The following ADGRL2 variants were observed in gnomAD, a reference collection of about 807,000 sequenced individuals.
The protein encoded by ADGRL2 is adhesion G protein-coupled receptor L2, also known as calcium-independent alpha-latrotoxin receptor 2.
In ADGRL2, 44 loss-of-function variants were observed where a neutral mutation model predicts 157.4. The observed-to-expected ratio is 0.28, with a 90% CI of 0.22 to 0.36. The LOEUF is 0.36. Among genes scored for constraint, ADGRL2 ranks in the 10% least tolerant of loss-of-function variants. ADGRL2 has a pLI of 1.00. For synonymous variants in ADGRL2, 585 were observed against 624.7 expected, an observed-to-expected ratio of 0.94 and a Z score of 0.95; for missense variants, 1,510 against 1,768.9, an observed-to-expected ratio of 0.85 and a Z score of 2.63.
chr1:81,427,509 C>A (rs1390167215), intron 1 of ADGRL2: 1 of 750,912 alleles, frequency 1.3e-6, no homozygotes, highest in African/African-American at 1.7e-5. Flanking sequence ...AATCAAATTA[C>A]GAACCCATGT....
At chr1:81,892,552 T>C (rs895683757) in intron 2 of ADGRL2, among the ~76,000 whole-genome samples, 6 of 152,168 alleles carry the variant, frequency 3.9e-5, no homozygotes, top group African/African-American at 1.2e-4. Flanking sequence ...AAAACATTCA[T>C]TGACAAGAGG....
chr1:81,316,574 C>T (rs906186559), intron 1 of ADGRL2, among the ~76,000 whole-genome samples: 4 of 152,022 alleles, frequency 2.6e-5, no homozygotes, highest in African/African-American at 9.7e-5. Context: ...ACAGATGTTC[C>T]CCCTTTAAGG....
chr1:81,620,983 T>C (rs766002305), intron 3 of ADGRL2, among the ~76,000 whole-genome samples: 1 of 152,164 alleles, frequency 6.6e-6, no homozygotes, highest in Non-Finnish European at 1.5e-5. Context: ...AATGCCAAGG[T>C]TGTACTCCAG....
At chr1:81,565,242 A>G (rs1469200991) in intron 2 of ADGRL2, among the ~76,000 whole-genome samples, 1 of 152,196 alleles carries the variant, frequency 6.6e-6, no homozygotes, top group Non-Finnish European at 1.5e-5. Context: ...AAGATGACGT[A>G]TGTGACAGGA....
chr1:81,469,299 A>G (rs1294689182), intron 2 of ADGRL2, among the ~76,000 whole-genome samples: 2 of 152,132 alleles, frequency 1.3e-5, no homozygotes, highest in Non-Finnish European at 2.9e-5. Context: ...GTCCTCTCCT[A>G]TACATGGTTT....
chr1:81,802,452 G>T (rs564661010), intron 1 of ADGRL2, among the ~76,000 whole-genome samples: 2 of 152,202 alleles, frequency 1.3e-5, no homozygotes, highest in South Asian at 4.1e-4. Context: ...AGAACTCTCA[G>T]TCCGGTCCAG....
intron 1 of ADGRL2, among the ~76,000 whole-genome samples, chr1:81,386,879 T>C (rs895406991): frequency 1.3e-5 from 2 of 152,142 alleles, no homozygotes; most frequent in African/African-American, 4.8e-5. Context: ...TCAAAAGTAT[T>C]TCTCTCTCCT....
Position 81,512,620 on chromosome 1 carries a change from G to C in ADGRL2, c.-248+67531G>C, listed in dbSNP as rs547266456. Among the ~76,000 whole-genome samples, 2 of 152,240 alleles carry C rather than the reference G, an allele frequency of 1.3e-5. 1 individual carries two copies. The highest frequency in any genetic ancestry group is 4.1e-4 in the South Asian group (2 of 4,826). ...CTATTAAACAGGAAGTGACACCAAT[G>C]TGACTTTATTTTTCTAAGCAAAATG... On this transcript the variant is annotated intron_variant, in intron 2 of 24. Coordinates refer to the ADGRL2 transcript ENST00000370721.
At chr1:81,946,257 A>G (rs1649793782) in intron 6 of ADGRL2, among the ~76,000 whole-genome samples, 1 of 151,076 alleles carries the variant, frequency 6.6e-6, no homozygotes, top group Non-Finnish European at 1.5e-5. Context: ...TTAATAATAT[A>G]TTAGCCTCAA....
At chr1:81,919,205 A>G (rs889005581) in intron 3 of ADGRL2, among the ~76,000 whole-genome samples, 1 of 152,282 alleles carries the variant, frequency 6.6e-6, no homozygotes, top group South Asian at 2.1e-4. Context: ...TTTTTAAAGG[A>G]CATTATTTAA....
At chr1:81,551,072 T>C (rs17421240) in intron 2 of ADGRL2, among the ~76,000 whole-genome samples, 18,748 of 152,146 alleles carry the variant, frequency 0.12, 1,168 homozygotes, top group South Asian at 0.14. Context: ...TCATTTTCTA[T>C]GCAATGAGGA....
chr1:81,990,497 C>T lies in ADGRL2; in HGVS notation c.3762C>T (p.Ser1254=), dbSNP rs778659451. The change falls in exon 24 of 24, where the codon AGC becomes AGT. Residue 1254 remains serine, a synonymous_variant. Coordinates refer to ENST00000686636, the MANE Select transcript of ADGRL2 (RefSeq NM_001366006.2). ...YSLHKGDYND[S]VQVVDCGLSL... ...TGCACAAGGGTGACTATAATGACAG[C>T]GTGCAAGTTGTGGACTGTGGACTAA... 12 of 1,613,956 alleles carry T rather than the reference C, an allele frequency of 7.4e-6. No individual in the cohort carries two copies. The East Asian group carries it at 1.1e-4, about 15-fold the overall frequency.
At chr1:81,953,102 C>A in intron 10 of ADGRL2, 77 bp downstream of exon 10, 1 of 1,229,960 alleles carries the variant, frequency 8.1e-7, no homozygotes, top group Non-Finnish European at 1.2e-6. Context: ...GCTGCATGAT[C>A]CAATGTATTT....
chr1:81,473,475 G>A (rs1344985105), intron 2 of ADGRL2, among the ~76,000 whole-genome samples: 1 of 152,136 alleles, frequency 6.6e-6, no homozygotes, highest in African/African-American at 2.4e-5. Context: ...TAATAAAATT[G>A]TAGATTAATC....
chr1:81,809,177 G>C (rs904175534), intron 1 of ADGRL2, among the ~76,000 whole-genome samples: 1 of 151,854 alleles, frequency 6.6e-6, no homozygotes, highest in African/African-American at 2.4e-5. Context: ...CAGACACAGG[G>C]ATTACACCTT....
At chr1:81,853,314 G>GCC (rs2093083529) in intron 2 of ADGRL2, among the ~76,000 whole-genome samples, 1 of 152,120 alleles carries the variant, frequency 6.6e-6, no homozygotes, top group South Asian at 2.1e-4. Context: ...TAAACAGCTT[G>GCC]CCTGGGTGTT....
rs116379716 is a variant in ADGRL2 at position 81,844,050 on chromosome 1, G to A, written c.73+6993G>A. Among the ~76,000 whole-genome samples the A allele has an allele frequency of 3.3e-3, 504 of 152,170 alleles. 2 individuals are homozygous for A. The highest frequency in any genetic ancestry group is 6.3e-3 in the Admixed American group (96 of 15,280). On this transcript the variant is annotated intron_variant, in intron 2 of 23. Transcript: ENST00000686636. ...GCAGACCTCAAAAACATTATATTGC[G>A]TGGCTGTTTAATTTCGGTAAACCTC...
At chr1:81,770,912 T>C (rs2086343905) in intron 2 of ADGRL2, among the ~76,000 whole-genome samples, 1 of 152,138 alleles carries the variant, frequency 6.6e-6, no homozygotes, top group African/African-American at 2.4e-5. Context: ...TACATAGAAG[T>C]ACAATTAATT....
chr1:81,474,656 C>A (rs745373353), intron 2 of ADGRL2, among the ~76,000 whole-genome samples: 16 of 152,168 alleles, frequency 1.1e-4, no homozygotes, highest in Non-Finnish European at 2.2e-4. Flanking sequence ...CTACATGATG[C>A]TATACTATCA....
Sources: allele counts gnomAD v4.1 joint callset (sites outside exome capture counted in the v4.1 genomes callset), GRCh38; gene constraint gnomAD v4.1.1; transcripts MANE v1.5; gene names NCBI Gene and HGNC (gene_info 2026-07-23, HGNC 2026-07-21).